Variants in PSMA3 observed in about 807,000 individuals in gnomAD.
The protein encoded by PSMA3 is proteasome subunit alpha type-3.
PSMA3 carries 8 observed loss-of-function variants against 40.0 expected under a neutral mutation model. The observed-to-expected ratio is 0.20, with a 90% confidence interval of 0.12 to 0.36. The LOEUF (loss-of-function observed/expected upper bound fraction) is 0.36, where lower values mean the gene tolerates loss of function less well. PSMA3 is among the 10% of genes least tolerant of loss of function. The pLI is 1.00. For synonymous variants in PSMA3, 110 were observed against 100.0 expected (o/e 1.10, Z -0.59); for missense variants, 219 against 310.6 (o/e 0.70, Z 2.22).
intron 5 of PSMA3, 67 bp from the exon 6 acceptor site, chr14:58,260,881 A>G (rs1890262673): frequency 1.7e-6 from 2 of 1,177,076 alleles, no homozygotes; most frequent in East Asian, 2.4e-5. Context: ...TGCATTTTAA[A>G]ATAATTTTTT....
At chr14:58,248,676 C>T (rs563639575) in intron 2 of PSMA3, among the ~76,000 whole-genome samples, 7 of 151,264 alleles carry the variant, frequency 4.6e-5, no homozygotes, top group South Asian at 4.3e-4. Context: ...AAAATGCAGC[C>T]GGGCGTGGTG....
intron 3 of PSMA3, among the ~76,000 whole-genome samples, chr14:58,257,497 C>CAA (rs1188889919): frequency 1.5e-5 from 2 of 129,218 alleles, no homozygotes; most frequent in South Asian, 2.4e-4. Flanking sequence ...GACCCCGTAT[C>CAA]AAAAAAAAAA....
chr14:58,258,224 G>T, intron 5 of PSMA3: 1 of 450,694 alleles, frequency 2.2e-6, no homozygotes, highest in South Asian at 4.0e-5. Flanking sequence ...GATCCCTCGC[G>T]CCCAGGAGTA....
intron 8 of PSMA3, 90 bp from the exon 9 acceptor site, chr14:58,270,309 AGATACTTTTATTATGGATG>A: frequency 6.9e-7 from 1 of 1,442,944 alleles, no homozygotes; most frequent in Non-Finnish European, 9.3e-7. Context: ...GTAATTTTAT[AGATACTTTTATTATGGATG>A]GACATTCTAA....
At chr14:58,256,566 A>G (rs1890149863) in intron 3 of PSMA3, among the ~76,000 whole-genome samples, 1 of 151,888 alleles carries the variant, frequency 6.6e-6, no homozygotes, top group African/African-American at 2.4e-5. Context: ...GGTGCCTGCA[A>G]CCACGCCTGG....
At chr14:58,250,594 A>G (rs1889988694) in intron 2 of PSMA3, among the ~76,000 whole-genome samples, 1 of 152,146 alleles carries the variant, frequency 6.6e-6, no homozygotes, top group South Asian at 2.1e-4. Flanking sequence ...CATGGAAGAC[A>G]CCTAAAGTGT....
chr14:58,268,688 C>A (rs1890518596), intron 8 of PSMA3: 1 of 152,214 alleles, frequency 6.6e-6, no homozygotes, highest in Non-Finnish European at 1.5e-5. Context: ...TGAAGTCCTT[C>A]TGGAAATCAG....
At chr14:58,261,099 A>C in intron 6 of PSMA3, 79 bp downstream of exon 6, 1 of 965,844 alleles carries the variant, frequency 1.0e-6, no homozygotes, top group Non-Finnish European at 1.5e-6. Flanking sequence ...TTATAAGATT[A>C]TATGAAATTA....
intron 2 of PSMA3, among the ~76,000 whole-genome samples, chr14:58,250,669 G>A (rs1889990587): frequency 6.6e-6 from 1 of 152,160 alleles, no homozygotes; most frequent in African/African-American, 2.4e-5. Context: ...ATTTTTCTGG[G>A]AGGAAATGCC....
chr14:58,257,783 A>T lies in PSMA3; in HGVS notation c.267A>T (p.Ala89=). The stretch of plus-strand genomic sequence containing the variant: ...TGTTGGCAGATGCTCGTTCTTTAGC[A>T]GACATAGCAAGAGAAGAAGCTTCCA... ...AGLLADARSL[A]DIAREEASNF... is the part of the protein sequence containing the mutation. The change falls in exon 4 of 11, where the codon GCA becomes GCT. Residue 89 remains alanine, a synonymous_variant. Coordinates refer to ENST00000216455, the MANE Select transcript of PSMA3 (RefSeq NM_002788.4). The T allele has an allele frequency of 6.2e-7, 1 of 1,613,196 alleles. No homozygotes were observed. The highest frequency in any genetic ancestry group is 8.5e-7 in the Non-Finnish European group (1 of 1,179,336).
chr14:58,255,725 C>T (rs1229721353), intron 3 of PSMA3, among the ~76,000 whole-genome samples: 1 of 152,178 alleles, frequency 6.6e-6, no homozygotes, highest in Non-Finnish European at 1.5e-5. Context: ...GCCGCGATTG[C>T]ACCACTGTGC....
rs756789835 is a variant in PSMA3, at chr14:58,270,423, A to G, written c.596A>G (p.Tyr199Cys). The part of the protein sequence containing the change: ...DIVKEVAKII[Y>C]IVHDEVKDKA... ...CTTTCCCTTTTCTATTCTAGAATTTACATAGTACATGACGAAGTTAAGGAT... is the reference window on the plus strand; with the variant it reads ...CTTTCCCTTTTCTATTCTAGAATTTGCATAGTACATGACGAAGTTAAGGAT... The change falls in exon 9 of 11, where the codon TAC (tyrosine) becomes TGC (cysteine). Residue 199 changes from tyrosine (Y) to cysteine (C), a missense_variant. Transcript: ENST00000216455. 9.3e-6 allele frequency: 15 copies of G among 1,613,396 alleles called. No individual in the cohort carries two copies. The East Asian group carries it at 2.7e-4, about 29-fold the overall frequency.
In PSMA3 at chr14:58,257,733, C is replaced by A; in HGVS notation, c.229-12C>A. 1 of 1,596,862 alleles carries A rather than the reference C, an allele frequency of 6.3e-7. No individual in the cohort carries two copies. Among genetic ancestry groups the A allele is most frequent in the Non-Finnish European group, 8.6e-7 (1 of 1,166,316 alleles). ...AATGTGTTCCTCTAGTAAATTGGTGCTTTTTTTTCAGGCAGTAGCAGGTTT... is the reference window on the plus strand; with the variant it reads ...AATGTGTTCCTCTAGTAAATTGGTGATTTTTTTTCAGGCAGTAGCAGGTTT... On this transcript the variant is annotated splice_polypyrimidine_tract_variant and intron_variant, in intron 3 of 10. Transcript: ENST00000216455.
At chr14:58,266,394 T>C (rs1890444368) in intron 7 of PSMA3, 1 of 152,182 alleles carries the variant, frequency 6.6e-6, no homozygotes, top group Non-Finnish European at 1.5e-5. Flanking sequence ...CCCCAACATA[T>C]CCACAGTAGA....
At chr14:58,258,019 T>C (rs1177889959) in intron 5 of PSMA3, 21 bp downstream of exon 5, 85 of 1,571,642 alleles carry the variant, frequency 5.4e-5, no homozygotes, top group Non-Finnish European at 7.3e-5. Context: ...TTGTGAATTA[T>C]TCAAAAGGCA....
intron 1 of PSMA3, among the ~76,000 whole-genome samples, chr14:58,246,117 C>T (rs1889874680): frequency 1.3e-5 from 2 of 152,174 alleles, no homozygotes; most frequent in Admixed American, 1.3e-4. Context: ...GAAACAGACT[C>T]AGAAAGTACC....
chr14:58,262,498 G>GC (rs1479816295), intron 6 of PSMA3, among the ~76,000 whole-genome samples: 1 of 151,718 alleles, frequency 6.6e-6, no homozygotes, highest in Non-Finnish European at 1.5e-5. Flanking sequence ...GAGCCACCTT[G>GC]CCCTGCCTTC....
At chr14:58,250,844 T>A (rs1414829521) in intron 2 of PSMA3, among the ~76,000 whole-genome samples, 4 of 152,270 alleles carry the variant, frequency 2.6e-5, no homozygotes, top group African/African-American at 7.2e-5. Flanking sequence ...GGTGTAGTAA[T>A]CTAGGCCTGA....
At position 58,244,893 on chromosome 14, in the gene PSMA3, C is replaced by T. The variant is rs187984170; in HGVS notation, c.-28C>T. 22 of 1,614,202 alleles carry T rather than the reference C, an allele frequency of 1.4e-5. 1 individual carries two copies. The highest frequency in any genetic ancestry group is 4.4e-5 in the South Asian group (4 of 91,086). The stretch of plus-strand genomic sequence containing the variant: ...AGGGGAAGCGCTCCGGGCCTGGAAT[C>T]CCTACGCGTCCCTTTGGGTTTAGCA... On this transcript the variant is annotated 5_prime_UTR_variant, in exon 1 of 11. Coordinates refer to ENST00000216455, the MANE Select transcript of PSMA3 (RefSeq NM_002788.4).
Sources: gnomAD v4.1 joint callset for allele counts (sites outside exome capture counted in the v4.1 genomes callset) on GRCh38, gnomAD v4.1.1 for gene constraint, MANE v1.5 for transcripts, NCBI Gene and HGNC (gene_info 2026-07-23, HGNC 2026-07-21) for gene names.